STXBP5: variants seen among roughly 807,000 people sequenced by gnomAD.
STXBP5 encodes the protein syntaxin binding protein 5, also known as syntaxin-binding protein 5.
A neutral mutation model predicts 152.4 loss-of-function variants in STXBP5; 50 were observed. The ratio of observed to expected loss-of-function variants is 0.33; its 90% CI spans 0.26 to 0.42. The LOEUF (loss-of-function observed/expected upper bound fraction) is 0.42. Ranked by LOEUF, STXBP5 falls within the 10% of genes least tolerant of loss-of-function variation. STXBP5 has a pLI of 1.00. For synonymous variants in STXBP5, 492 were observed against 494.7 expected, an observed-to-expected ratio of 0.99 and a Z score of 0.07; for missense variants, 1,167 against 1,388.6, an observed-to-expected ratio of 0.84 and a Z score of 2.54.
chr6:147,297,604 C>G (rs977403132), intron 9 of STXBP5, among the ~76,000 whole-genome samples: 3 of 152,022 alleles, frequency 2.0e-5, no homozygotes, highest in African/African-American at 7.2e-5. Context: ...GACCTCAACT[C>G]TGAAGGTTAA....
intron 21 of STXBP5, among the ~76,000 whole-genome samples, chr6:147,348,395 GCA>G (rs1784437044): frequency 6.6e-6 from 1 of 151,042 alleles, no homozygotes; most frequent in Non-Finnish European, 1.5e-5. Flanking sequence ...CCTGTGAAAG[GCA>G]TGCATGCAAA....
intron 21 of STXBP5, among the ~76,000 whole-genome samples, chr6:147,340,458 T>G (rs1162058626): frequency 6.6e-6 from 1 of 151,956 alleles, no homozygotes; most frequent in African/African-American, 2.4e-5. Context: ...TTAGTGACTC[T>G]TTTGGTAATA....
chr6:147,303,982 A>G (rs1216557589), intron 9 of STXBP5, among the ~76,000 whole-genome samples: 1 of 152,216 alleles, frequency 6.6e-6, no homozygotes, highest in Non-Finnish European at 1.5e-5. Flanking sequence ...GAAGCAGAGC[A>G]TAAAAGTTTG....
At chr6:147,344,844 C>A (rs1453848552) in intron 21 of STXBP5, among the ~76,000 whole-genome samples, 1 of 152,128 alleles carries the variant, frequency 6.6e-6, no homozygotes, top group East Asian at 1.9e-4. Flanking sequence ...GTACAGAATT[C>A]TCTTTGAGAT....
intron 7 of STXBP5, among the ~76,000 whole-genome samples, chr6:147,270,452 G>A (rs1780109672): frequency 6.7e-6 from 1 of 149,158 alleles, no homozygotes; most frequent in Non-Finnish European, 1.5e-5. Context: ...TGCAATGTAA[G>A]CCAGAACACA....
intron 2 of STXBP5, among the ~76,000 whole-genome samples, chr6:147,213,829 A>G (rs922072161): frequency 7.9e-5 from 12 of 152,192 alleles, no homozygotes; most frequent in Admixed American, 2.0e-4. Context: ...TAAGAGTATA[A>G]CAGATTGATA....
chr6:147,279,613 G>A (rs1178369185), intron 8 of STXBP5, among the ~76,000 whole-genome samples: 1 of 152,090 alleles, frequency 6.6e-6, no homozygotes, highest in Non-Finnish European at 1.5e-5. Context: ...ACTGCTTTGT[G>A]ACAGCAATCA....
intron 7 of STXBP5, among the ~76,000 whole-genome samples, chr6:147,267,793 T>C (rs1049151444): frequency 7.2e-5 from 11 of 152,150 alleles, no homozygotes; most frequent in African/African-American, 2.7e-4. Context: ...TCATAGATGA[T>C]ACTGATACTC....
At chr6:147,318,962 CTTCTT>C (rs1373410526) in intron 16 of STXBP5, among the ~76,000 whole-genome samples, 1 of 151,988 alleles carries the variant, frequency 6.6e-6, no homozygotes, top group Non-Finnish European at 1.5e-5. Flanking sequence ...CTAGAGGGAG[CTTCTT>C]TTAAGTTGGT....
At chr6:147,313,540 C>T (rs1277671601) in intron 11 of STXBP5, among the ~76,000 whole-genome samples, 1 of 152,146 alleles carries the variant, frequency 6.6e-6, no homozygotes, top group Non-Finnish European at 1.5e-5. Flanking sequence ...CCACCATTTG[C>T]TAGCAGGCAT....
intron 2 of STXBP5, among the ~76,000 whole-genome samples, chr6:147,233,456 T>C (rs1562426234): frequency 6.6e-6 from 1 of 151,916 alleles, no homozygotes; most frequent in South Asian, 2.1e-4. Flanking sequence ...AGCAATATTA[T>C]GTATGTTTTG....
rs1296437453 is a variant in STXBP5, at chr6:147,304,091, G to C, written c.918-5993G>C. Among the ~76,000 whole-genome samples the C allele has an allele frequency of 2.0e-5, 3 of 152,204 alleles. No individual in the cohort carries two copies. In the East Asian group the frequency reaches 5.8e-4, roughly 29 times the overall value. On this transcript the variant is annotated intron_variant, in intron 9 of 27. Transcript: ENST00000321680. ...AAATTAGCGTAAGTAATGAGGAGCT[G>C]AATGTTAATCAACAAGACAATAGGG...
chr6:147,347,930 GATT>G (rs1784412595), intron 21 of STXBP5, among the ~76,000 whole-genome samples: 3 of 152,118 alleles, frequency 2.0e-5, no homozygotes, highest in African/African-American at 7.2e-5. Context: ...TTAATTTAAT[GATT>G]ATTTCTGGTT....
chr6:147,355,749 T>G (rs1784788315), intron 22 of STXBP5, among the ~76,000 whole-genome samples: 1 of 152,056 alleles, frequency 6.6e-6, no homozygotes, highest in African/African-American at 2.4e-5. Context: ...TTCAATAAAA[T>G]GATAAATGTA....
At chr6:147,257,626 G>T (rs1230872564) in intron 4 of STXBP5, among the ~76,000 whole-genome samples, 5 of 152,070 alleles carry the variant, frequency 3.3e-5, no homozygotes, top group Non-Finnish European at 5.9e-5. Flanking sequence ...AGTTGATTTT[G>T]ATCCACAGCA....
chr6:147,217,368 A>AT (rs1777224207), intron 2 of STXBP5, among the ~76,000 whole-genome samples: 1 of 152,242 alleles, frequency 6.6e-6, no homozygotes, highest in Admixed American at 6.5e-5. Context: ...CTGGGATAAA[A>AT]AGCTGTTTTT....
chr6:147,384,834 AC>A lies in STXBP5; in HGVS notation c.*80del. On this transcript the variant is annotated 3_prime_UTR_variant, in exon 28 of 28. Transcript: ENST00000321680. ...TTTATTACATTCTTTAGGAAAGTTAACGTTAAAGGGATGTTCGTCACTGAAT... is the reference window on the plus strand; with the variant it reads ...TTTATTACATTCTTTAGGAAAGTTAAGTTAAAGGGATGTTCGTCACTGAAT... 7.2e-7 allele frequency: 1 copy of A among 1,385,584 alleles called. No homozygotes were observed. The highest frequency in any genetic ancestry group is 1.0e-6 in the Non-Finnish European group (1 of 983,118). The allele number at this position is 1,385,584 out of a possible 1,614,324, so 85.8% of individuals were successfully genotyped here. A position where few individuals can be genotyped will look rare whatever the true frequency, so the allele number is the denominator to read the frequency against.
chr6:147,310,020 T>C, intron 9 of STXBP5, 64 bp from the exon 10 acceptor site: 2 of 1,140,280 alleles, frequency 1.8e-6, no homozygotes, highest in Non-Finnish European at 2.4e-6. Flanking sequence ...TAAAAAATTA[T>C]GATGTAGCAA....
chr6:147,238,430 A>AT, intron 3 of STXBP5, among the ~76,000 whole-genome samples: 1 of 152,272 alleles, frequency 6.6e-6, no homozygotes, highest in Non-Finnish European at 1.5e-5. Flanking sequence ...CAAATGAGGG[A>AT]TGGTTCACCA....
Sources: allele counts gnomAD v4.1 joint callset (sites outside exome capture counted in the v4.1 genomes callset), GRCh38; gene constraint gnomAD v4.1.1; transcripts MANE v1.5; gene names NCBI Gene and HGNC (gene_info 2026-07-23, HGNC 2026-07-21).